The following USP26 variants were observed in gnomAD, a reference collection of about 807,000 sequenced individuals.
USP26 encodes ubiquitin carboxyl-terminal hydrolase 26.
For synonymous variants in USP26, 236 were observed against 240.6 expected (o/e 0.98, Z 0.18); for missense variants, 649 against 642.3 (o/e 1.01, Z -0.11).
intron 5 of USP26, among the ~76,000 whole-genome samples, chrX:133,056,539 G>T (rs2148531528): frequency 8.9e-6 from 1 of 111,841 alleles, no homozygotes; most frequent in South Asian, 3.8e-4. Flanking sequence ...CAGGAATTCA[G>T]CATTTGAAAT....
intron 5 of USP26, among the ~76,000 whole-genome samples, chrX:133,035,166 A>G (rs2067391799): frequency 8.9e-6 from 1 of 111,931 alleles, no homozygotes. Context: ...AGAATCCCAC[A>G]TGACATGGCA....
intron 5 of USP26, among the ~76,000 whole-genome samples, chrX:133,028,948 T>C (rs1223496091): frequency 8.9e-6 from 1 of 112,330 alleles, no homozygotes; most frequent in Non-Finnish European, 1.9e-5. Context: ...TCAACAAAAG[T>C]TTAAGAATAA....
rs1012303300 is a variant in USP26, at chrX:133,097,096, C to G, written c.-459G>C. ...CTCCACCACGTGCCCACTTAACGATCGAAAACAAAATGGGCCCCGCCACAG... is the reference window on the plus strand; with the variant it reads ...CTCCACCACGTGCCCACTTAACGATGGAAAACAAAATGGGCCCCGCCACAG... On this transcript the variant is annotated 5_prime_UTR_variant, in exon 1 of 6. Transcript: ENST00000511190. The G allele has an allele frequency of 1.8e-5, 2 of 112,599 alleles. No individual in the cohort carries two copies. Among genetic ancestry groups the G allele is most frequent in the South Asian group, 3.7e-4 (1 of 2,732 alleles). The allele number at this position is 112,599 out of a possible 1,213,427, so 9.3% of individuals were successfully genotyped here.
Position 133,026,745 on chromosome X carries a change from A to C in USP26, c.1476T>G (p.Leu492=), listed in dbSNP as rs1436926707. 8.3e-7 allele frequency: 1 copy of C among 1,208,341 alleles called. No individual in the cohort carries two copies. The highest frequency in any genetic ancestry group is 1.8e-5 in the African/African-American group (1 of 56,865). Residue 492 remains leucine (L), a synonymous_variant, in exon 6 of 6, where the codon CTT becomes CTG. Coordinates refer to ENST00000511190, the MANE Select transcript of USP26 (RefSeq NM_031907.3). Reference sequence around the variant, plus strand: ...GCTCACATTTTGCACATTTATACTCAAGCTCTTCTGCTCCAAAAAAAAGAT... The same window carrying C: ...GCTCACATTTTGCACATTTATACTCCAGCTCTTCTGCTCCAAAAAAAAGAT... ...TFDLFFGAEE[L]EYKCAKCEHK...
chrX:133,058,105 T>C (rs2067482760), intron 5 of USP26, among the ~76,000 whole-genome samples: 1 of 104,316 alleles, frequency 9.6e-6, no homozygotes, highest in South Asian at 4.6e-4. Flanking sequence ...ATGGTCTCGA[T>C]CTCCTGACCT....
intron 5 of USP26, among the ~76,000 whole-genome samples, chrX:133,046,835 G>C (rs998233453): frequency 9.0e-6 from 1 of 111,682 alleles, no homozygotes; most frequent in African/African-American, 3.3e-5. Flanking sequence ...AGCTGCTGTG[G>C]ATTTGCATAC....
At chrX:133,093,620 G>T (rs1431293575) in intron 1 of USP26, among the ~76,000 whole-genome samples, 1 of 94,481 alleles carries the variant, frequency 1.1e-5, no homozygotes, top group Non-Finnish European at 2.3e-5. Flanking sequence ...GACAGAGTGA[G>T]ACTCTGTGTC....
chrX:133,040,658 G>A (rs771175169), intron 5 of USP26, among the ~76,000 whole-genome samples: 19 of 111,130 alleles, frequency 1.7e-4, no homozygotes, highest in Non-Finnish European at 3.2e-4. Flanking sequence ...AGAATCTGAC[G>A]ATTATGTGTC....
chrX:133,037,970 CTAT>C (rs1280222415), intron 5 of USP26, among the ~76,000 whole-genome samples: 1 of 111,142 alleles, frequency 9.0e-6, no homozygotes, highest in African/African-American at 3.3e-5. Context: ...CTCTGCTTGT[CTAT>C]TATTGGTGTA....
chrX:133,068,077 A>G (rs1377200557), intron 5 of USP26, among the ~76,000 whole-genome samples: 1 of 112,350 alleles, frequency 8.9e-6, no homozygotes, highest in Non-Finnish European at 1.9e-5. Context: ...AACCATAAAA[A>G]AGAATGAAAT....
intron 5 of USP26, among the ~76,000 whole-genome samples, chrX:133,059,326 A>T (rs969415393): frequency 1.8e-5 from 2 of 111,587 alleles, no homozygotes; most frequent in African/African-American, 6.5e-5. Flanking sequence ...CAACTGCTCT[A>T]TTGTTCCAAT....
chrX:133,091,741 G>A (rs966177609), intron 1 of USP26, among the ~76,000 whole-genome samples: 4 of 111,584 alleles, frequency 3.6e-5, no homozygotes, highest in African/African-American at 9.8e-5. Context: ...CATCATTAAT[G>A]ATGCACAGGG....
intron 1 of USP26, among the ~76,000 whole-genome samples, chrX:133,093,436 A>C (rs1366453660): frequency 9.0e-6 from 1 of 111,387 alleles, no homozygotes; most frequent in Admixed American, 9.5e-5. Context: ...GGAAGAAAAA[A>C]GTTCTTGCCC....
At chrX:133,056,180 C>A (rs1365068033) in intron 5 of USP26, among the ~76,000 whole-genome samples, 2 of 111,652 alleles carry the variant, frequency 1.8e-5, no homozygotes, top group East Asian at 5.6e-4. Context: ...TGTTTAATAG[C>A]AAATTTTTCA....
intron 5 of USP26, among the ~76,000 whole-genome samples, chrX:133,049,855 G>A (rs1281498092): frequency 8.9e-6 from 1 of 112,003 alleles, no homozygotes; most frequent in Non-Finnish European, 1.9e-5. Context: ...GATTAATGAT[G>A]TCTACTTCAG....
chrX:133,086,779 T>C (rs918516042), intron 4 of USP26, among the ~76,000 whole-genome samples: 6 of 109,507 alleles, frequency 5.5e-5, no homozygotes, highest in Middle Eastern at 4.7e-3. Flanking sequence ...CCAGGCATCA[T>C]GGCAGGAGCC....
intron 4 of USP26, among the ~76,000 whole-genome samples, chrX:133,085,858 CGGCTGG>C (rs778516167): frequency 9.0e-6 from 1 of 111,040 alleles, no homozygotes; most frequent in Admixed American, 9.6e-5. Flanking sequence ...AATCAATTCC[CGGCTGG>C]GGCTACTGTC....
intron 5 of USP26, among the ~76,000 whole-genome samples, chrX:133,049,421 T>C (rs2067451576): frequency 8.9e-6 from 1 of 112,323 alleles, no homozygotes. Flanking sequence ...GATTCTCCAC[T>C]GATTACCTGT....
intron 5 of USP26, among the ~76,000 whole-genome samples, chrX:133,057,867 T>TATATATATATATATA (rs1491099712): frequency 2.2e-3 from 18 of 8,212 alleles, no homozygotes; most frequent in Non-Finnish European, 2.6e-3. Flanking sequence ...TATATATATA[T>TATATATATATATATA]TTTTTTTTTT....
Sources: allele counts gnomAD v4.1 joint callset (sites outside exome capture counted in the v4.1 genomes callset), GRCh38; gene constraint gnomAD v4.1.1; transcripts MANE v1.5; gene names NCBI Gene and HGNC (gene_info 2026-07-23, HGNC 2026-07-21).